The following CCDC7 variants were observed in gnomAD, a reference collection of about 807,000 sequenced individuals.
CCDC7 encodes coiled-coil domain-containing protein 7.
Under a neutral mutation model 196.9 loss-of-function variants are expected in CCDC7, and 183 were observed. The ratio of observed to expected loss-of-function variants is 0.93; its 90% confidence interval spans 0.82 to 1.05. The LOEUF is 1.05. Among genes scored for constraint, CCDC7 ranks in the 50% least tolerant of loss-of-function variants. CCDC7 has a pLI of 0.00. For missense variants in CCDC7, 1,540 were observed against 1,482.2 expected (o/e 1.04, Z -0.64); for synonymous variants, 525 against 484.6 (o/e 1.08, Z -1.10).
chr10:32,848,144 G>A (rs1174449142), intron 38 of CCDC7, among the ~76,000 whole-genome samples: 1 of 152,076 alleles, frequency 6.6e-6, no homozygotes, highest in African/African-American at 2.4e-5. Flanking sequence ...ATAATTCTCT[G>A]TTTAAATAAA....
At chr10:32,861,115 C>CAAAAAAAAAAAAAAAAAA (rs142801821) in intron 41 of CCDC7, among the ~76,000 whole-genome samples, 37 of 97,092 alleles carry the variant, frequency 3.8e-4, no homozygotes, top group Non-Finnish European at 4.7e-4. Flanking sequence ...CAATCATAAG[C>CAAAAAAAAAAAAAAAAAA]AAAAAAAAAA....
At chr10:32,657,558 G>T (rs2070232520) in intron 20 of CCDC7, among the ~76,000 whole-genome samples, 1 of 152,212 alleles carries the variant, frequency 6.6e-6, no homozygotes, top group Non-Finnish European at 1.5e-5. Context: ...TGAAGCAGCT[G>T]GGATGTAGGG....
chr10:32,758,020 G>C (rs1180810529), intron 28 of CCDC7, among the ~76,000 whole-genome samples: 1 of 151,944 alleles, frequency 6.6e-6, no homozygotes, highest in Non-Finnish European at 1.5e-5. Context: ...TAAATTCCTG[G>C]GCACATACAC....
chr10:32,719,842 T>TA (rs1322623424), intron 25 of CCDC7, among the ~76,000 whole-genome samples: 1 of 152,110 alleles, frequency 6.6e-6, no homozygotes, highest in Non-Finnish European at 1.5e-5. Context: ...TCAATTAGAA[T>TA]GGTGATCATT....
At chr10:32,704,246 A>G (rs2079297605) in intron 24 of CCDC7, among the ~76,000 whole-genome samples, 1 of 152,114 alleles carries the variant, frequency 6.6e-6, no homozygotes, top group African/African-American at 2.4e-5. Flanking sequence ...CCTCAGCTGC[A>G]GGTCTGTTGG....
At chr10:32,520,178 T>C (rs1416118996) in intron 11 of CCDC7, among the ~76,000 whole-genome samples, 1 of 152,134 alleles carries the variant, frequency 6.6e-6, no homozygotes, top group African/African-American at 2.4e-5. Flanking sequence ...GCAACTAACA[T>C]GGGAGTGCAG....
chr10:32,617,612 T>G (rs538306476), intron 18 of CCDC7, among the ~76,000 whole-genome samples: 6 of 152,056 alleles, frequency 3.9e-5, no homozygotes, highest in African/African-American at 1.2e-4. Context: ...TTTCTCTTGG[T>G]ATTGATTTCT....
chr10:32,847,377 CTGTT>C (rs2093344425), intron 37 of CCDC7, among the ~76,000 whole-genome samples: 1 of 152,158 alleles, frequency 6.6e-6, no homozygotes, highest in African/African-American at 2.4e-5. Flanking sequence ...GCCACAATAA[CTGTT>C]TGTGAGAGTT....
chr10:32,721,141 C>T (rs1423138907), intron 25 of CCDC7, among the ~76,000 whole-genome samples: 1 of 151,962 alleles, frequency 6.6e-6, no homozygotes, highest in East Asian at 1.9e-4. Flanking sequence ...TATGTAAATA[C>T]CCCAAGATAA....
chr10:32,546,965 C>G (rs920115375), intron 13 of CCDC7, among the ~76,000 whole-genome samples: 11 of 152,092 alleles, frequency 7.2e-5, no homozygotes, highest in African/African-American at 2.7e-4. Flanking sequence ...ATAGATTGTT[C>G]GTATCATAGC....
chr10:32,849,470 C>T (rs1467010477), intron 39 of CCDC7, among the ~76,000 whole-genome samples: 1 of 151,486 alleles, frequency 6.6e-6, no homozygotes, highest in Non-Finnish European at 1.5e-5. Flanking sequence ...TTTGGGAGGC[C>T]GAGGCAGGCA....
At chr10:32,638,696 C>T (rs1464691062) in intron 20 of CCDC7, among the ~76,000 whole-genome samples, 2 of 152,020 alleles carry the variant, frequency 1.3e-5, no homozygotes, top group Admixed American at 1.3e-4. Flanking sequence ...ATTCTCTTTT[C>T]TTGTTGTGTC....
At chr10:32,619,344 G>T (rs1325611817) in intron 18 of CCDC7, among the ~76,000 whole-genome samples, 8 of 151,754 alleles carry the variant, frequency 5.3e-5, no homozygotes, top group Non-Finnish European at 1.5e-5. Flanking sequence ...GGTAGGATGA[G>T]ATAAATATAC....
chr10:32,483,454 A>G (rs564395817), intron 8 of CCDC7, among the ~76,000 whole-genome samples: 2 of 152,088 alleles, frequency 1.3e-5, no homozygotes, highest in African/African-American at 4.8e-5. Flanking sequence ...TTGCCTGTTC[A>G]CTCTGATGGT....
In CCDC7 at chr10:32,563,218, T is replaced by C. The variant is rs2056092052; in HGVS notation, c.1135-2340T>C. On this transcript the variant is annotated intron_variant, in intron 13 of 41. Coordinates refer to ENST00000639629, the Ensembl canonical transcript of CCDC7. The stretch of plus-strand genomic sequence containing the variant: ...AGAATCAATATCATGAAAATGGCCA[T>C]ACTGCCCAAGGTAATTTATAGATTC... Among the ~76,000 whole-genome samples the C allele has an allele frequency of 3.3e-5, 5 of 152,164 alleles. 1 individual carries two copies. The highest frequency in any genetic ancestry group is 1.2e-4 in the African/African-American group (5 of 41,504).
chr10:32,643,890 A>T (rs1366945681), intron 20 of CCDC7, among the ~76,000 whole-genome samples: 1 of 147,048 alleles, frequency 6.8e-6, no homozygotes, highest in Non-Finnish European at 1.5e-5. Flanking sequence ...ATTATTTTGA[A>T]AATTAATTGG....
chr10:32,714,084 G>A (rs2081234870), intron 25 of CCDC7, among the ~76,000 whole-genome samples: 1 of 152,180 alleles, frequency 6.6e-6, no homozygotes, highest in Admixed American at 6.5e-5. Flanking sequence ...AGTTTGGTTA[G>A]AAAACTGGGG....
chr10:32,676,523 G>T (rs1300263435), intron 21 of CCDC7, among the ~76,000 whole-genome samples: 2 of 151,568 alleles, frequency 1.3e-5, no homozygotes, highest in Non-Finnish European at 2.9e-5. Flanking sequence ...AAATTTACAA[G>T]AAAAAAACAA....
chr10:32,693,166 T>C (rs2077285091), intron 23 of CCDC7, among the ~76,000 whole-genome samples: 1 of 152,252 alleles, frequency 6.6e-6, no homozygotes, highest in Admixed American at 6.5e-5. Context: ...TTATTTCCTT[T>C]TAATTTTCAC....
Sources: gnomAD v4.1 joint callset for allele counts (sites outside exome capture counted in the v4.1 genomes callset) on GRCh38, gnomAD v4.1.1 for gene constraint, MANE v1.5 for transcripts, NCBI Gene and HGNC (gene_info 2026-07-23, HGNC 2026-07-21) for gene names.